Variants in ATP6V1D observed in about 807,000 individuals in gnomAD.
ATP6V1D encodes the protein ATPase H+ transporting V1 subunit D, also known as V-type proton ATPase subunit D.
ATP6V1D carries 20 observed loss-of-function variants against 39.4 expected under a neutral mutation model. The observed-to-expected ratio is 0.51, with a 90% CI of 0.36 to 0.74. ATP6V1D has a LOEUF of 0.74. Ranked by LOEUF, ATP6V1D falls within the 30% of genes least tolerant of loss-of-function variation. ATP6V1D has a pLI of 0.00. For missense variants in ATP6V1D, 228 were observed against 291.6 expected (o/e 0.78, Z 1.59); for synonymous variants, 100 against 100.5 (o/e 0.99, Z 0.03).
At chr14:67,346,227 G>A (rs150655621) in intron 5 of ATP6V1D, among the ~76,000 whole-genome samples, 165 of 152,264 alleles carry the variant, frequency 1.1e-3, no homozygotes, top group African/African-American at 3.7e-3. Context: ...CTACTTCTTC[G>A]TATGAAATGT....
Position 67,348,590 on chromosome 14 carries a change from C to T in ATP6V1D, c.307+447G>A, listed in dbSNP as rs557785820. Among the ~76,000 whole-genome samples the T allele has an allele frequency of 1.1e-4, 17 of 152,108 alleles. No individual in the cohort carries two copies. The South Asian group carries it at 1.5e-3, about 13-fold the overall frequency. On this transcript the variant is annotated intron_variant, in intron 4 of 8. Coordinates refer to ENST00000216442, the MANE Select transcript of ATP6V1D (RefSeq NM_015994.4). ...AGGCTGGAGTGCAGTGGTGCAATCT[C>T]GGCTCACTGGAACCTCCGCTTCCCG...
At chr14:67,347,499 T>TCA in intron 4 of ATP6V1D, 46 bp from the exon 5 acceptor site, 7 of 1,300,552 alleles carry the variant, frequency 5.4e-6, no homozygotes, top group South Asian at 1.4e-5. Flanking sequence ...CTTTAAGTTC[T>TCA]CTCTTTTTTT....
chr14:67,340,567 T>G, intron 7 of ATP6V1D, 49 bp from the exon 8 acceptor site: 1 of 1,488,202 alleles, frequency 6.7e-7, no homozygotes, highest in South Asian at 1.1e-5. Flanking sequence ...AACCCCTTTT[T>G]TCAAATTATC....
At chr14:67,341,550 C>A (rs983569037) in intron 7 of ATP6V1D, among the ~76,000 whole-genome samples, 15 of 150,938 alleles carry the variant, frequency 9.9e-5, no homozygotes, top group African/African-American at 3.7e-4. Context: ...CCGCCCCGTC[C>A]GGGAGGGAGG....
chr14:67,359,607 G>A (rs745814348), intron 1 of ATP6V1D, 51 bp downstream of exon 1: 1 of 1,606,364 alleles, frequency 6.2e-7, no homozygotes. Context: ...AAGGGACCGC[G>A]CTCCGGGTTC....
At chr14:67,342,281 T>C (rs994434522) in intron 7 of ATP6V1D, among the ~76,000 whole-genome samples, 1 of 147,936 alleles carries the variant, frequency 6.8e-6, no homozygotes, top group South Asian at 2.1e-4. Flanking sequence ...TCCAAAAGAG[T>C]AACTACTGTA....
At chr14:67,340,810 A>T (rs2085575136) in intron 7 of ATP6V1D, among the ~76,000 whole-genome samples, 1 of 152,008 alleles carries the variant, frequency 6.6e-6, no homozygotes, top group South Asian at 2.1e-4. Context: ...AGTGCCTGCG[A>T]TTGCAGGCGC....
At chr14:67,345,922 T>C in intron 5 of ATP6V1D, 51 bp from the exon 6 acceptor site, 1 of 1,171,374 alleles carries the variant, frequency 8.5e-7, no homozygotes, top group South Asian at 1.3e-5. Context: ...ATATCTTCCC[T>C]ATAAAATTCC....
chr14:67,343,317 G>T (rs991405751), intron 7 of ATP6V1D, 55 bp downstream of exon 7: 4 of 1,367,238 alleles, frequency 2.9e-6, no homozygotes, highest in Admixed American at 1.9e-5. Flanking sequence ...GCAGTTTCAC[G>T]ACAAGTGGAG....
At chr14:67,343,472 A>T in intron 6 of ATP6V1D, 34 bp from the exon 7 acceptor site, 2 of 1,422,866 alleles carry the variant, frequency 1.4e-6, no homozygotes, top group Non-Finnish European at 2.0e-6. Context: ...TGTAAGCACA[A>T]AGTCTTCCTA....
chr14:67,343,860 T>C (rs3825722), intron 6 of ATP6V1D, among the ~76,000 whole-genome samples: 23,621 of 152,172 alleles, frequency 0.16, 3,469 homozygotes, highest in East Asian at 0.42. Context: ...TGTCTCTTCA[T>C]AACAAAACAA....
intron 3 of ATP6V1D, 100 bp downstream of exon 3, chr14:67,350,511 C>T (rs899502291): frequency 9.0e-6 from 9 of 994,786 alleles, no homozygotes; most frequent in Non-Finnish European, 1.4e-5. Context: ...TATCATTTGT[C>T]CTTAACGCTT....
intron 8 of ATP6V1D, 34 bp downstream of exon 8, chr14:67,340,406 A>T (rs1352216648): frequency 1.3e-6 from 2 of 1,584,430 alleles, no homozygotes. Context: ...TATGGAAAAC[A>T]AAAGATGATC....
At chr14:67,341,517 G>T (rs1236876398) in intron 7 of ATP6V1D, among the ~76,000 whole-genome samples, 2 of 151,386 alleles carry the variant, frequency 1.3e-5, no homozygotes, top group East Asian at 2.0e-4. Flanking sequence ...GAGGTGGGGG[G>T]GGTCAGCCCC....
intron 2 of ATP6V1D, 73 bp downstream of exon 2, chr14:67,352,850 C>CA: frequency 1.5e-5 from 11 of 715,872 alleles, no homozygotes; most frequent in Non-Finnish European, 1.7e-5. Context: ...ATAACAACAA[C>CA]AAAAAAAAAA....
chr14:67,344,187 T>C (rs560867624), intron 6 of ATP6V1D, among the ~76,000 whole-genome samples: 1 of 152,350 alleles, frequency 6.6e-6, no homozygotes, highest in South Asian at 2.1e-4. Context: ...GATTGTGACC[T>C]CTGTATTGTA....
chr14:67,348,866 T>TCCTGAGTAA (rs2085639585), intron 4 of ATP6V1D, 171 bp downstream of exon 4: 6 of 667,792 alleles, frequency 9.0e-6, no homozygotes, highest in Non-Finnish European at 1.5e-5. Context: ...AGTCAAGTTA[T>TCCTGAGTAA]CCTGAGTAAT....
intron 1 of ATP6V1D, chr14:67,353,761 G>C (rs979717883): frequency 6.5e-6 from 1 of 152,872 alleles, no homozygotes; most frequent in Non-Finnish European, 1.5e-5. Flanking sequence ...AAAGTACTGG[G>C]ATTACAGGGA....
intron 7 of ATP6V1D, among the ~76,000 whole-genome samples, chr14:67,341,892 C>T (rs2085587256): frequency 6.6e-6 from 1 of 152,024 alleles, no homozygotes; most frequent in African/African-American, 2.4e-5. Context: ...TACCCCCAAC[C>T]CTGTGCTCTC....
Sources: allele counts gnomAD v4.1 joint callset (sites outside exome capture counted in the v4.1 genomes callset), GRCh38; gene constraint gnomAD v4.1.1; transcripts MANE v1.5; gene names NCBI Gene and HGNC (gene_info 2026-07-23, HGNC 2026-07-21).